The following TIAM1 variants were observed in gnomAD, a reference collection of about 807,000 sequenced individuals.
The protein encoded by TIAM1 is rho guanine nucleotide exchange factor TIAM1.
A neutral mutation model predicts 163.5 loss-of-function variants in TIAM1; 65 were observed. The ratio of observed to expected loss-of-function variants is 0.40; its 90% CI spans 0.33 to 0.49. TIAM1 has a LOEUF of 0.49. TIAM1 is among the 20% of genes least tolerant of loss of function. The probability of loss-of-function intolerance (pLI) is 0.77; values close to 1 mark genes in which losing one functional copy is unlikely to be tolerated. For missense variants in TIAM1, 1,789 were observed against 2,044.7 expected (o/e 0.87, Z 2.41); for synonymous variants, 833 against 810.1 (o/e 1.03, Z -0.48).
intron 1 of TIAM1, among the ~76,000 whole-genome samples, chr21:31,472,390 G>T (rs928768501): frequency 6.6e-6 from 1 of 152,044 alleles, no homozygotes; most frequent in African/African-American, 2.4e-5. Context: ...AACTGGGTGT[G>T]GTAGCACATG....
chr21:31,309,973 A>C (rs1407513060), intron 2 of TIAM1, among the ~76,000 whole-genome samples: 1 of 152,242 alleles, frequency 6.6e-6, no homozygotes, highest in African/African-American at 2.4e-5. Context: ...CAAATCAAAT[A>C]CCCAGCTACC....
intron 2 of TIAM1, among the ~76,000 whole-genome samples, chr21:31,372,854 G>A (rs2076619338): frequency 6.6e-6 from 1 of 151,946 alleles, no homozygotes; most frequent in Non-Finnish European, 1.5e-5. Flanking sequence ...TTGGGAGTTC[G>A]AGACCAGCTT....
At chr21:31,484,198 C>T (rs1313804575) in intron 1 of TIAM1, among the ~76,000 whole-genome samples, 3 of 152,144 alleles carry the variant, frequency 2.0e-5, no homozygotes, top group East Asian at 1.9e-4. Flanking sequence ...TGTTTACATG[C>T]CACCCAGTCT....
chr21:31,535,253 C>T (rs1047956086), intron 1 of TIAM1, among the ~76,000 whole-genome samples: 4 of 151,058 alleles, frequency 2.6e-5, no homozygotes, highest in African/African-American at 4.9e-5. Context: ...TGGTGGCAGG[C>T]GCCTGTAGTC....
At chr21:31,433,039 T>G (rs910677108) in intron 2 of TIAM1, among the ~76,000 whole-genome samples, 1 of 152,216 alleles carries the variant, frequency 6.6e-6, no homozygotes, top group Admixed American at 6.5e-5. Context: ...GGGTATGTCT[T>G]TATCCAACAT....
chr21:31,318,258 C>T (rs927841452), intron 2 of TIAM1, among the ~76,000 whole-genome samples: 3 of 152,120 alleles, frequency 2.0e-5, no homozygotes, highest in Admixed American at 6.5e-5. Flanking sequence ...CCACCACACC[C>T]GGCTATGTTT....
intron 2 of TIAM1, among the ~76,000 whole-genome samples, chr21:31,437,410 G>A (rs145720623): frequency 4.5e-4 from 68 of 151,050 alleles, no homozygotes; most frequent in Admixed American, 4.6e-4. Flanking sequence ...GGCTGAGGTA[G>A]GAGGATCAAT....
chr21:31,526,251 G>T (rs1453405440), intron 1 of TIAM1, among the ~76,000 whole-genome samples: 1 of 152,100 alleles, frequency 6.6e-6, no homozygotes, highest in African/African-American at 2.4e-5. Context: ...AAGAGGGAAG[G>T]ATAAGAAACA....
intron 2 of TIAM1, among the ~76,000 whole-genome samples, chr21:31,317,454 AAAAAAAC>A (rs2075165971): frequency 6.6e-6 from 1 of 151,546 alleles, no homozygotes; most frequent in South Asian, 2.1e-4. Flanking sequence ...ACTCCATCTC[AAAAAAAC>A]AAAAAACAAA....
Position 31,223,579 on chromosome 21 carries a change from C to T in TIAM1, c.1822G>A (p.Glu608Lys). 1 of 1,592,406 alleles carries T rather than the reference C, an allele frequency of 6.3e-7. No individual in the cohort carries two copies. Among genetic ancestry groups the T allele is most frequent in the Non-Finnish European group, 8.5e-7 (1 of 1,169,630 alleles). Residue 608 changes from glutamate (E) to lysine (K), a missense_variant, in exon 8 of 28, where the codon GAG becomes AAG. Around this residue, in one of 5 missense-constraint regions of TIAM1, gnomAD observed 456 missense variants for 586.6 expected, o/e 0.78. Coordinates refer to ENST00000541036, the MANE Select transcript of TIAM1 (RefSeq NM_001353694.2). ...KTILDQIFVW[E>K]QNLEQFQMDL... ...ATTTGGAACTGCTCGAGATTTTGCTCCCAGACAAAGATCTATGGTAGTGAA... is the reference window on the plus strand; with the variant it reads ...ATTTGGAACTGCTCGAGATTTTGCTTCCAGACAAAGATCTATGGTAGTGAA...
chr21:31,434,778 G>A (rs1245812204), intron 2 of TIAM1, among the ~76,000 whole-genome samples: 1 of 152,186 alleles, frequency 6.6e-6, no homozygotes, highest in Non-Finnish European at 1.5e-5. Context: ...CCTCCAGAGT[G>A]AAGCACTACT....
At chr21:31,495,199 T>C (rs2046600099) in intron 1 of TIAM1, among the ~76,000 whole-genome samples, 1 of 152,222 alleles carries the variant, frequency 6.6e-6, no homozygotes, top group Non-Finnish European at 1.5e-5. Flanking sequence ...AACGTGTATG[T>C]CTTAATCAGC....
intron 20 of TIAM1, 60 bp downstream of exon 20, chr21:31,146,835 C>T (rs1488273980): frequency 1.4e-6 from 2 of 1,402,082 alleles, no homozygotes; most frequent in Admixed American, 1.7e-5. Flanking sequence ...CCCCCAACCA[C>T]TGTCAGCCAC....
intron 2 of TIAM1, among the ~76,000 whole-genome samples, chr21:31,409,417 C>T (rs902757674): frequency 7.2e-5 from 11 of 152,158 alleles, no homozygotes; most frequent in African/African-American, 2.2e-4. Context: ...CAGACCTTCT[C>T]CTTTCTTAGA....
At chr21:31,320,365 GT>G (rs2075272225) in intron 2 of TIAM1, among the ~76,000 whole-genome samples, 1 of 152,052 alleles carries the variant, frequency 6.6e-6, no homozygotes, top group African/African-American at 2.4e-5. Flanking sequence ...TGATGAAAAA[GT>G]TCTAGAATTA....
intron 13 of TIAM1, among the ~76,000 whole-genome samples, chr21:31,190,154 C>A (rs1240403104): frequency 6.6e-6 from 1 of 152,178 alleles, no homozygotes; most frequent in Non-Finnish European, 1.5e-5. Context: ...CCTATAATCC[C>A]AGCACTCTTG....
chr21:31,225,658 A>G (rs1310883239), intron 7 of TIAM1, 68 bp downstream of exon 7: 38 of 929,394 alleles, frequency 4.1e-5, no homozygotes, highest in Non-Finnish European at 5.5e-5. Context: ...CAAAACAGCA[A>G]AAAAAAAAAA....
At chr21:31,442,070 A>ATATATATATATATATATATATATATAT (rs2044441960) in intron 2 of TIAM1, among the ~76,000 whole-genome samples, 24 of 53,218 alleles carry the variant, frequency 4.5e-4, no homozygotes, top group Non-Finnish European at 5.4e-4. Context: ...CAAATAAATA[A>ATATATATATATATATATATATATATAT]ATATATATAT....
chr21:31,160,334 G>C (rs1210394531), intron 16 of TIAM1: 1 of 397,440 alleles, frequency 2.5e-6, no homozygotes, highest in East Asian at 3.6e-5. Context: ...CAGAATACGG[G>C]GAAATGGGAA....
Sources: gnomAD v4.1 joint callset for allele counts (sites outside exome capture counted in the v4.1 genomes callset) on GRCh38, gnomAD v4.1.1 for gene constraint, gnomAD v4.1.1 regional missense constraint, MANE v1.5 for transcripts, NCBI Gene and HGNC (gene_info 2026-07-23, HGNC 2026-07-21) for gene names.